MCF2: variants seen among roughly 807,000 people sequenced by gnomAD.
The protein encoded by MCF2 is MCF.2 cell line derived transforming sequence, also known as proto-oncogene DBL.
Under a neutral mutation model 82.5 loss-of-function variants are expected in MCF2, and 44 were observed. The ratio of observed to expected loss-of-function variants is 0.53; its 90% confidence interval spans 0.42 to 0.69. The LOEUF (loss-of-function observed/expected upper bound fraction) is 0.69. Among genes scored for constraint, MCF2 ranks in the 30% least tolerant of loss-of-function variants. MCF2 has a pLI of 0.00. For missense variants in MCF2, 623 were observed against 663.1 expected, an observed-to-expected ratio of 0.94 and a Z score of 0.66; for synonymous variants, 217 against 224.9, an observed-to-expected ratio of 0.96 and a Z score of 0.32.
intron 10 of MCF2, among the ~76,000 whole-genome samples, chrX:139,614,192 A>T (rs1931714069): frequency 9.0e-6 from 1 of 111,638 alleles, no homozygotes; most frequent in African/African-American, 3.3e-5. Context: ...TCAACACATT[A>T]TAAGGACAAT....
At chrX:139,642,760 A>G (rs1933649567) in exon 1 of MCF2, 3 of 1,045,322 alleles carry the variant, frequency 2.9e-6, no homozygotes, top group Non-Finnish European at 3.7e-6. Flanking sequence ...TTCAGAGTTA[A>G]CACATTCCTC....
intron 1 of MCF2, among the ~76,000 whole-genome samples, chrX:139,702,560 C>T (rs138983105): frequency 6.4e-4 from 72 of 112,696 alleles, no homozygotes; most frequent in African/African-American, 2.2e-3. Flanking sequence ...TAATTGGTTA[C>T]ACACTGAAAG....
At chrX:139,609,150 A>AT (rs1931292916) in intron 11 of MCF2, among the ~76,000 whole-genome samples, 1 of 112,337 alleles carries the variant, frequency 8.9e-6, no homozygotes, top group Non-Finnish European at 1.9e-5. Context: ...TGGGATTATA[A>AT]GCCAGGCAGC....
At chrX:139,670,303 T>G (rs1934643836) in intron 1 of MCF2, among the ~76,000 whole-genome samples, 1 of 111,870 alleles carries the variant, frequency 8.9e-6, no homozygotes, top group Admixed American at 9.5e-5. Context: ...ATTATTATCT[T>G]AAACACATTT....
chrX:139,693,182 A>T (rs1483957385), intron 1 of MCF2, among the ~76,000 whole-genome samples: 1 of 111,347 alleles, frequency 9.0e-6, no homozygotes, highest in Non-Finnish European at 1.9e-5. Context: ...GTGAAGCAGT[A>T]GCTGGCTGAG....
intron 1 of MCF2, among the ~76,000 whole-genome samples, chrX:139,673,254 T>C (rs1934759730): frequency 9.0e-6 from 1 of 111,545 alleles, no homozygotes; most frequent in African/African-American, 3.3e-5. Context: ...TGTCAATCTT[T>C]CAAAAAACCA....
intron 15 of MCF2, among the ~76,000 whole-genome samples, chrX:139,604,079 A>T (rs1029580890): frequency 3.6e-5 from 4 of 111,038 alleles, no homozygotes; most frequent in Non-Finnish European, 5.7e-5. Context: ...CTAAAAGAAA[A>T]CTAATGGAGG....
intron 6 of MCF2, among the ~76,000 whole-genome samples, chrX:139,621,228 C>T (rs1461128311): frequency 9.0e-6 from 1 of 111,532 alleles, no homozygotes; most frequent in African/African-American, 3.3e-5. Context: ...AATGCAAGAC[C>T]TCAATATACA....
rs1190613615 is a variant in MCF2 at position 139,629,597 on chromosome X, C to T, written c.438+98G>A. On this transcript the variant is annotated intron_variant, in intron 4 of 24. Coordinates refer to ENST00000370576, the Ensembl canonical transcript of MCF2. ...AATATATTACATAAATGTCTTTTAT[C>T]TCCCCTTATGCAACAGTCAGTGTAA... 8 of 744,773 alleles carry T rather than the reference C, an allele frequency of 1.1e-5. No homozygotes were observed. The African/African-American group carries it at 1.5e-4, about 14-fold the overall frequency. The allele number at this position is 744,773 out of a possible 1,213,427, so 61.4% of individuals were successfully genotyped here.
At chrX:139,684,621 A>C (rs763830239) in intron 1 of MCF2, among the ~76,000 whole-genome samples, 1 of 112,692 alleles carries the variant, frequency 8.9e-6, no homozygotes, top group African/African-American at 3.2e-5. Context: ...TGGCACATCT[A>C]TGCACTGCAA....
intron 1 of MCF2, among the ~76,000 whole-genome samples, chrX:139,684,439 T>C (rs1419743891): frequency 1.8e-5 from 2 of 111,832 alleles, no homozygotes; most frequent in Admixed American, 9.5e-5. Flanking sequence ...GGATGAAACA[T>C]ACAGTTACTC....
At chrX:139,669,918 G>A (rs1361601411) in intron 1 of MCF2, among the ~76,000 whole-genome samples, 1 of 111,903 alleles carries the variant, frequency 8.9e-6, no homozygotes, top group Non-Finnish European at 1.9e-5. Flanking sequence ...GGAAATGATA[G>A]CTAAAATATA....
chrX:139,642,607 C>T (rs1329257477), exon 1 of MCF2: 4 of 1,200,839 alleles, frequency 3.3e-6, no homozygotes, highest in South Asian at 1.8e-5. Context: ...TATTTAAAAA[C>T]GGCAGCCAAA....
chrX:139,616,307 T>G (rs1301732868), exon 9 of MCF2: 1 of 1,125,804 alleles, frequency 8.9e-7, no homozygotes, highest in Non-Finnish European at 1.2e-6. Flanking sequence ...TAATATTACA[T>G]CAAATTCATA....
chrX:139,668,692 G>A (rs1459191622), intron 1 of MCF2, among the ~76,000 whole-genome samples: 3 of 111,513 alleles, frequency 2.7e-5, no homozygotes, highest in Non-Finnish European at 5.6e-5. Flanking sequence ...ATGTGTGATT[G>A]TCTATACGCT....
chrX:139,700,511 G>C (rs1290331726), intron 1 of MCF2, among the ~76,000 whole-genome samples: 2 of 111,788 alleles, frequency 1.8e-5, no homozygotes, highest in Non-Finnish European at 3.8e-5. Context: ...GTAGTTGGAG[G>C]AGAGTTTCAC....
chrX:139,620,038 T>C lies in MCF2; in HGVS notation c.688-332A>G, dbSNP rs186248928. On this transcript the variant is annotated intron_variant, in intron 6 of 24. Transcript: ENST00000370576. ...GTGTGTGTGTGTGTGTATATATATA[T>C]AGCAAATATCTAAAACAAAATCTTA... Among the ~76,000 whole-genome samples the C allele has an allele frequency of 1.1e-3, 114 of 105,018 alleles. 1 individual carries two copies. Among genetic ancestry groups the C allele is most frequent in the African/African-American group, 3.8e-3 (110 of 28,969 alleles). The allele number at this position is 105,018 out of a possible 115,157, so 91.2% of individuals were successfully genotyped here.
At chrX:139,667,954 G>A (rs1432538767) in intron 1 of MCF2, among the ~76,000 whole-genome samples, 2 of 112,003 alleles carry the variant, frequency 1.8e-5, no homozygotes, top group South Asian at 3.7e-4. Flanking sequence ...CCTGATGACT[G>A]GGACTAACCT....
intron 1 of MCF2, among the ~76,000 whole-genome samples, chrX:139,665,896 T>TGA (rs1934497381): frequency 2.9e-5 from 2 of 69,628 alleles, no homozygotes; most frequent in African/African-American, 1.6e-4. Flanking sequence ...TAGGTGTGTG[T>TGA]GTATATATAT....
Sources: allele counts gnomAD v4.1 joint callset (sites outside exome capture counted in the v4.1 genomes callset), GRCh38; gene constraint gnomAD v4.1.1; transcripts MANE v1.5; gene names NCBI Gene and HGNC (gene_info 2026-07-23, HGNC 2026-07-21).